The following TEX9 variants were observed in gnomAD, a reference collection of about 807,000 sequenced individuals.
TEX9 encodes testis expressed 9, also known as testis-expressed protein 9.
Under a neutral mutation model 59.6 loss-of-function variants are expected in TEX9, and 74 were observed. The observed-to-expected ratio is 1.24, with a 90% CI of 1.03 to 1.51. The LOEUF is 1.51. TEX9 is among the 40% of genes most tolerant of loss of function. TEX9 has a pLI of 0.00. For synonymous variants in TEX9, 186 were observed against 152.2 expected, an observed-to-expected ratio of 1.22 and a Z score of -1.64; for missense variants, 522 against 447.8, an observed-to-expected ratio of 1.17 and a Z score of -1.49.
chr15:56,339,397 A>AAAAAAAAAAAAC (rs2046325629), intron 1 of TEX9, among the ~76,000 whole-genome samples: 1 of 61,022 alleles, frequency 1.6e-5, no homozygotes, highest in African/African-American at 4.0e-5. Flanking sequence ...AAAAAAAAAA[A>AAAAAAAAAAAAC]AAAAAAAAAA....
Position 56,411,434 on chromosome 15 carries a change from G to A in TEX9, c.829-868G>A, listed in dbSNP as rs558234907. Among the ~76,000 whole-genome samples, 9 of 152,290 alleles carry A rather than the reference G, an allele frequency of 5.9e-5. No homozygotes were observed. The South Asian group carries it at 1.9e-3, about 32-fold the overall frequency. On this transcript the variant is annotated intron_variant, in intron 9 of 12. Transcript: ENST00000352903. ...GAGGGTACTTAATATAATCTGGGTG[G>A]ATAATGAGGATTAGAAAGGAAATAT...
chr15:56,411,506 T>C, intron 9 of TEX9, among the ~76,000 whole-genome samples: 1 of 152,082 alleles, frequency 6.6e-6, no homozygotes, highest in East Asian at 1.9e-4. Context: ...GCTGAGTCAG[T>C]AGGTGCTAGC....
At chr15:56,450,126 A>G (rs562503404), downstream of TEX9, among the ~76,000 whole-genome samples, 1 of 152,294 alleles carries the variant, frequency 6.6e-6, no homozygotes, top group East Asian at 1.9e-4. Flanking sequence ...TTTGTTTTCT[A>G]GTAATTCCAG....
intron 1 of TEX9, among the ~76,000 whole-genome samples, chr15:56,343,490 C>T (rs1439804819): frequency 1.3e-5 from 2 of 151,914 alleles, no homozygotes; most frequent in Non-Finnish European, 2.9e-5. Flanking sequence ...TTGATAGACT[C>T]CTAGCAGGAC....
At chr15:56,248,223 C>A (rs934489544) in intron 1 of TEX9, among the ~76,000 whole-genome samples, 3 of 152,072 alleles carry the variant, frequency 2.0e-5, no homozygotes, top group Non-Finnish European at 2.9e-5. Flanking sequence ...TTGGGGGGTT[C>A]AGAACTAAGT....
chr15:56,392,043 T>C (rs1331251537), intron 7 of TEX9, among the ~76,000 whole-genome samples: 1 of 151,910 alleles, frequency 6.6e-6, no homozygotes, highest in Admixed American at 6.6e-5. Context: ...GTAAGACAAT[T>C]GAGTATATAT....
chr15:56,298,552 T>G (rs1024606690), intron 1 of TEX9, among the ~76,000 whole-genome samples: 1 of 152,154 alleles, frequency 6.6e-6, no homozygotes, highest in Non-Finnish European at 1.5e-5. Flanking sequence ...ATTGGGCCCA[T>G]ATCATATAAT....
chr15:56,361,152 T>C (rs2046782220), upstream of TEX9, among the ~76,000 whole-genome samples: 1 of 152,236 alleles, frequency 6.6e-6, no homozygotes, highest in African/African-American at 2.4e-5. Flanking sequence ...TATAAGTTTA[T>C]TGATTTTAAC....
chr15:56,440,931 G>T (rs969358932), intron 12 of TEX9, among the ~76,000 whole-genome samples: 1 of 152,094 alleles, frequency 6.6e-6, no homozygotes, highest in Non-Finnish European at 1.5e-5. Context: ...AGACTATTGT[G>T]AATAATGCTG....
chr15:56,303,070 C>T (rs370462365), intron 1 of TEX9, among the ~76,000 whole-genome samples: 1 of 152,156 alleles, frequency 6.6e-6, no homozygotes, highest in South Asian at 2.1e-4. Context: ...GCAAATATTA[C>T]TAGAGCTAAA....
At chr15:56,406,367 A>T (rs2049079318) in intron 9 of TEX9, among the ~76,000 whole-genome samples, 1 of 152,168 alleles carries the variant, frequency 6.6e-6, no homozygotes, top group African/African-American at 2.4e-5. Flanking sequence ...TTGATGTGAC[A>T]TTCAATTTTT....
chr15:56,319,729 A>G (rs1480263658), intron 1 of TEX9, among the ~76,000 whole-genome samples: 2 of 152,196 alleles, frequency 1.3e-5, no homozygotes, highest in Non-Finnish European at 2.9e-5. Context: ...CCTATGATCA[A>G]TTCCCAGGAT....
chr15:56,421,382 T>G (rs2049969716), intron 10 of TEX9, among the ~76,000 whole-genome samples: 1 of 151,904 alleles, frequency 6.6e-6, no homozygotes, highest in Admixed American at 6.6e-5. Flanking sequence ...GTTTTAGAAA[T>G]GCTACAGTGG....
At chr15:56,323,353 C>CA (rs1167909731) in intron 1 of TEX9, 2 of 180,422 alleles carry the variant, frequency 1.1e-5, no homozygotes, top group Non-Finnish European at 2.4e-5. Context: ...AAAGGGGAAA[C>CA]AAAAAAAGTT....
intron 1 of TEX9, among the ~76,000 whole-genome samples, chr15:56,272,938 A>ATT (rs1376179172): frequency 7.3e-6 from 1 of 137,036 alleles, no homozygotes; most frequent in African/African-American, 2.7e-5. Context: ...TTATTTATTT[A>ATT]TTTTTTTTGT....
At chr15:56,312,187 G>C (rs1213632445) in intron 1 of TEX9, among the ~76,000 whole-genome samples, 2 of 147,750 alleles carry the variant, frequency 1.4e-5, no homozygotes, top group African/African-American at 4.9e-5. Context: ...TGTTGCCATT[G>C]CTTTTGGTGT....
intron 1 of TEX9, among the ~76,000 whole-genome samples, chr15:56,346,391 C>T (rs760791919): frequency 9.2e-5 from 14 of 152,138 alleles, no homozygotes; most frequent in Admixed American, 3.3e-4. Flanking sequence ...TGGGCTGAGG[C>T]AGGATTGCAA....
chr15:56,268,262 A>T (rs1191693288), intron 1 of TEX9, among the ~76,000 whole-genome samples: 1 of 152,216 alleles, frequency 6.6e-6, no homozygotes, highest in African/African-American at 2.4e-5. Context: ...CAATCATGTC[A>T]TCTGCAAACA....
intron 12 of TEX9, among the ~76,000 whole-genome samples, chr15:56,433,277 GA>G (rs2050648914): frequency 6.6e-6 from 1 of 151,754 alleles, no homozygotes; most frequent in East Asian, 1.9e-4. Flanking sequence ...GGGACAAGGG[GA>G]AGGGAGAGCA....
Sources: allele counts gnomAD v4.1 joint callset (sites outside exome capture counted in the v4.1 genomes callset), GRCh38; gene constraint gnomAD v4.1.1; transcripts MANE v1.5; gene names NCBI Gene and HGNC (gene_info 2026-07-23, HGNC 2026-07-21).